Variants in CTCF observed in about 807,000 individuals in gnomAD.
CTCF encodes the protein CCCTC-binding factor, also known as transcriptional repressor CTCF.
Under a neutral mutation model 72.3 loss-of-function variants are expected in CTCF, and 7 were observed. That is an observed-to-expected ratio of 0.10 (90% CI 0.06 to 0.18). CTCF has a LOEUF of 0.18. Among genes scored for constraint, CTCF ranks in the 10% least tolerant of loss-of-function variants. The probability of loss-of-function intolerance (pLI) is 1.00; values close to 1 mark genes in which losing one functional copy is unlikely to be tolerated. For missense variants in CTCF, 516 were observed against 949.1 expected (o/e 0.54, Z 6.00); for synonymous variants, 374 against 315.8 (o/e 1.18, Z -1.95).
intron 7 of CTCF, among the ~76,000 whole-genome samples, 157 bp downstream of exon 7, chr16:67,621,748 C>CTTTTTTTTTTTTTTTTTTTTT (rs34853932): frequency 8.2e-6 from 1 of 121,394 alleles, no homozygotes; most frequent in African/African-American, 3.3e-5. Context: ...TGCTTAGCTG[C>CTTTTTTTTTTTTTTTTTTTTT]TTTTTTTTTT....
At chr16:67,622,124 A>T (rs149149637) in intron 7 of CTCF, among the ~76,000 whole-genome samples, 41 of 152,258 alleles carry the variant, frequency 2.7e-4, no homozygotes, top group Non-Finnish European at 4.4e-5. Context: ...TGGGAGGCCA[A>T]CGCGGGTGGA....
chr16:67,619,545 A>G (rs1480399014), intron 5 of CTCF, among the ~76,000 whole-genome samples: 1 of 152,228 alleles, frequency 6.6e-6, no homozygotes, highest in East Asian at 1.9e-4. Flanking sequence ...CAAAACAAAC[A>G]TTGAAACATT....
rs1371630939 is a variant in CTCF at position 67,612,000 on chromosome 16, G to A, written c.831G>A (p.Arg277=). 4 of 1,614,026 alleles carry A rather than the reference G, an allele frequency of 2.5e-6. No homozygotes were observed. Among genetic ancestry groups the A allele is most frequent in the South Asian group, 2.2e-5 (2 of 91,090 alleles). Residue 277 remains arginine, a synonymous_variant, in exon 4 of 12, where the codon CGG becomes CGA. Coordinates refer to ENST00000264010, the MANE Select transcript of CTCF (RefSeq NM_006565.4). Reference sequence around the variant, plus strand: ...AGCTTTGCAGTTACACGTGTCCACGGCGTTCAAATTTGGATCGTCACATGA... The same window carrying A: ...AGCTTTGCAGTTACACGTGTCCACGACGTTCAAATTTGGATCGTCACATGA... ...QCELCSYTCP[R]RSNLDRHMKS...
At chr16:67,569,489 TTTTC>T (rs1001564090) in intron 1 of CTCF, among the ~76,000 whole-genome samples, 16 of 152,138 alleles carry the variant, frequency 1.1e-4, no homozygotes, top group African/African-American at 2.6e-4. Context: ...TGGCCTGGGA[TTTTC>T]TTTCTTTCTT....
intron 2 of CTCF, among the ~76,000 whole-genome samples, chr16:67,576,998 C>T (rs1263695325): frequency 6.6e-6 from 1 of 151,982 alleles, no homozygotes; most frequent in Non-Finnish European, 1.5e-5. Flanking sequence ...TGGATATAAG[C>T]CAGAATGTGT....
chr16:67,610,241 T>C (rs961436379), intron 2 of CTCF, among the ~76,000 whole-genome samples: 9 of 152,288 alleles, frequency 5.9e-5, no homozygotes, highest in African/African-American at 2.2e-4. Flanking sequence ...TTTAACATCC[T>C]GAGTCACCAA....
intron 2 of CTCF, among the ~76,000 whole-genome samples, chr16:67,586,094 A>G (rs942563655): frequency 6.6e-6 from 1 of 152,134 alleles, no homozygotes; most frequent in Admixed American, 6.6e-5. Flanking sequence ...TGTTTTAATC[A>G]TCTTGGTTCA....
At chr16:67,575,372 C>T (rs2051481566) in intron 2 of CTCF, among the ~76,000 whole-genome samples, 1 of 152,122 alleles carries the variant, frequency 6.6e-6, no homozygotes, top group Non-Finnish European at 1.5e-5. Flanking sequence ...ACTCCAAGTC[C>T]TGGCCATGCA....
intron 2 of CTCF, among the ~76,000 whole-genome samples, chr16:67,576,339 C>G (rs528060235): frequency 6.6e-6 from 1 of 151,960 alleles, no homozygotes; most frequent in East Asian, 1.9e-4. Context: ...AAAGACTAAA[C>G]AGACGTGGAA....
At chr16:67,596,661 T>C (rs2051819829) in intron 2 of CTCF, among the ~76,000 whole-genome samples, 1 of 152,152 alleles carries the variant, frequency 6.6e-6, no homozygotes. Flanking sequence ...CTCGGCTCAC[T>C]GCAACCTCCA....
In CTCF at chr16:67,619,397, G is replaced by C. The variant is rs1043926342; in HGVS notation, c.1087-1300G>C. Reference sequence around the variant, plus strand: ...GTTGCAGTGACCCACAATCGTGACAGTGTACTCCAGCCTGGGCAACGGAGC... The same window carrying C: ...GTTGCAGTGACCCACAATCGTGACACTGTACTCCAGCCTGGGCAACGGAGC... On this transcript the variant is annotated intron_variant, in intron 5 of 11. Transcript: ENST00000264010. Among the ~76,000 whole-genome samples, 17 of 152,088 alleles carry C rather than the reference G, an allele frequency of 1.1e-4. 1 individual carries two copies. Among genetic ancestry groups the C allele is most frequent in the African/African-American group, 3.9e-4 (16 of 41,416 alleles).
At chr16:67,574,947 G>A (rs1355075939) in intron 2 of CTCF, among the ~76,000 whole-genome samples, 21 of 148,206 alleles carry the variant, frequency 1.4e-4, no homozygotes, top group East Asian at 6.1e-4. Flanking sequence ...GTGAGCCACT[G>A]CGCCCAGCCA....
intron 2 of CTCF, among the ~76,000 whole-genome samples, chr16:67,576,161 AACGG>A (rs1234126533): frequency 6.6e-6 from 1 of 150,982 alleles, no homozygotes; most frequent in African/African-American, 2.4e-5. Context: ...AAAAAAAAAA[AACGG>A]AAGGCTGTTA....
chr16:67,586,410 G>C (rs552044185), intron 2 of CTCF, among the ~76,000 whole-genome samples: 1 of 151,928 alleles, frequency 6.6e-6, no homozygotes, highest in African/African-American at 2.4e-5. Flanking sequence ...GGTGGCAGGC[G>C]CCTGTAATCC....
chr16:67,612,297 G>T, intron 4 of CTCF, 176 bp downstream of exon 4: 1 of 509,360 alleles, frequency 2.0e-6, no homozygotes, highest in African/African-American at 2.0e-5. Flanking sequence ...ATAGACAAAT[G>T]TAAAGAAAAT....
intron 2 of CTCF, among the ~76,000 whole-genome samples, chr16:67,610,184 G>C (rs903748299): frequency 6.6e-6 from 1 of 152,090 alleles, no homozygotes; most frequent in African/African-American, 2.4e-5. Context: ...TAATCTTGCA[G>C]TGTTTCCCTC....
At chr16:67,628,060 A>T (rs2052315165) in intron 8 of CTCF, 1 of 265,026 alleles carries the variant, frequency 3.8e-6, no homozygotes, top group African/African-American at 2.2e-5. Flanking sequence ...GCGCCACTGC[A>T]CTCCATCCTG....
chr16:67,636,615 A>G (rs886981164), intron 10 of CTCF, 75 bp from the exon 11 acceptor site: 5 of 899,020 alleles, frequency 5.6e-6, no homozygotes, highest in Middle Eastern at 2.8e-4. Flanking sequence ...TTCAAATAAT[A>G]TATAATTGTT....
intron 2 of CTCF, among the ~76,000 whole-genome samples, chr16:67,607,008 G>A (rs948469705): frequency 6.6e-6 from 1 of 151,922 alleles, no homozygotes; most frequent in Admixed American, 6.6e-5. Flanking sequence ...GCTGGAGGGA[G>A]TACAGTGGCC....
Sources: gnomAD v4.1 joint callset for allele counts (sites outside exome capture counted in the v4.1 genomes callset) on GRCh38, gnomAD v4.1.1 for gene constraint, MANE v1.5 for transcripts, NCBI Gene and HGNC (gene_info 2026-07-23, HGNC 2026-07-21) for gene names.